Variants in C5orf47 observed in about 807,000 individuals in gnomAD.
The protein encoded by C5orf47 is chromosome 5 open reading frame 47.
C5orf47 carries 20 observed loss-of-function variants against 20.6 expected under a neutral mutation model. That is an observed-to-expected ratio of 0.97 (90% CI 0.68 to 1.41). The LOEUF (loss-of-function observed/expected upper bound fraction) is 1.41, where lower values mean the gene tolerates loss of function less well. Ranked by LOEUF, C5orf47 falls within the 40% of genes most tolerant of loss-of-function variation. The pLI is 0.00. For synonymous variants in C5orf47, 106 were observed against 97.3 expected (o/e 1.09, Z -0.53); for missense variants, 262 against 238.4 (o/e 1.10, Z -0.65).
At chr5:173,990,216 G>A (rs367858560) in intron 1 of C5orf47, among the ~76,000 whole-genome samples, 1 of 143,768 alleles carries the variant, frequency 7.0e-6, no homozygotes, top group Non-Finnish European at 1.5e-5. Flanking sequence ...AGCCTTGACC[G>A]CAGCCTTGAC....
intron 1 of C5orf47, among the ~76,000 whole-genome samples, chr5:173,992,537 C>T (rs1227114544): frequency 6.6e-6 from 1 of 152,000 alleles, no homozygotes; most frequent in Non-Finnish European, 1.5e-5. Context: ...TCTTCTTATA[C>T]TTTTTTGTGA....
intron 1 of C5orf47, among the ~76,000 whole-genome samples, chr5:173,997,390 T>G (rs553967195): frequency 6.6e-5 from 10 of 152,310 alleles, no homozygotes; most frequent in African/African-American, 2.2e-4. Flanking sequence ...TTGGGTTTTC[T>G]TCTAACAGTT....
intron 4 of C5orf47, among the ~76,000 whole-genome samples, chr5:174,001,701 A>G (rs919079838): frequency 2.6e-5 from 4 of 151,874 alleles, no homozygotes; most frequent in Non-Finnish European, 5.9e-5. Flanking sequence ...TACCATATTT[A>G]CCTTTGCTAC....
chr5:173,999,858 T>A, intron 3 of C5orf47, 59 bp downstream of exon 3: 1 of 859,358 alleles, frequency 1.2e-6, no homozygotes, highest in Non-Finnish European at 1.8e-6. Context: ...AGTTTAGTTA[T>A]CCTGGGATTG....
chr5:173,996,566 T>A (rs1193415781), intron 1 of C5orf47, among the ~76,000 whole-genome samples: 1 of 151,972 alleles, frequency 6.6e-6, no homozygotes, highest in Non-Finnish European at 1.5e-5. Context: ...AAGAGCAGAG[T>A]TTCCCAAACT....
At chr5:174,001,053 C>G in intron 3 of C5orf47, 143 bp from the exon 4 acceptor site, 2 of 639,458 alleles carry the variant, frequency 3.1e-6, no homozygotes, top group Non-Finnish European at 5.5e-6. Context: ...CAGTGTTAAA[C>G]TACATTACAG....
At chr5:174,001,292 C>A in intron 4 of C5orf47, 61 bp downstream of exon 4, 1 of 884,872 alleles carries the variant, frequency 1.1e-6, no homozygotes, top group Non-Finnish European at 1.8e-6. Flanking sequence ...CCTTCTGTAT[C>A]CTCCCTTCTC....
downstream of C5orf47, among the ~76,000 whole-genome samples, chr5:174,008,981 A>G (rs1759333451): frequency 6.6e-6 from 1 of 152,204 alleles, no homozygotes; most frequent in Non-Finnish European, 1.5e-5. Context: ...AAAATTGAGT[A>G]CTAGCAGTAG....
chr5:174,001,157 G>A lies in C5orf47; in HGVS notation c.512-39G>A, dbSNP rs575280177. 51 of 1,439,090 alleles carry A rather than the reference G, an allele frequency of 3.5e-5. No homozygotes were observed. The South Asian group carries it at 6.0e-4, about 17-fold the overall frequency. The allele number at this position is 1,439,090 out of a possible 1,614,324, so 89.1% of individuals were successfully genotyped here. ...ATTAATGGGAAAACCAGTGCTAGAG[G>A]CCAACTTAAATTTTCCTTATTTTTT... On this transcript the variant is annotated intron_variant, in intron 3 of 4. Transcript: ENST00000340147.
intron 3 of C5orf47, among the ~76,000 whole-genome samples, chr5:174,000,785 G>C (rs534501078): frequency 1.1e-4 from 16 of 152,150 alleles, no homozygotes; most frequent in Admixed American, 8.5e-4. Context: ...AGAATGAGGT[G>C]GGGGGTGGAT....
chr5:174,000,521 C>G (rs1261891525), intron 3 of C5orf47, among the ~76,000 whole-genome samples: 1 of 152,116 alleles, frequency 6.6e-6, no homozygotes. Context: ...CTTTCCTGCA[C>G]ATGCTATCAT....
intron 1 of C5orf47, among the ~76,000 whole-genome samples, chr5:173,992,291 T>C (rs1015702736): frequency 1.3e-5 from 2 of 151,012 alleles, no homozygotes; most frequent in East Asian, 2.0e-4. Context: ...CTCACACCTC[T>C]AAGTTTACCA....
At chr5:173,994,620 G>A (rs527544048) in intron 1 of C5orf47, among the ~76,000 whole-genome samples, 1 of 152,120 alleles carries the variant, frequency 6.6e-6, no homozygotes, top group African/African-American at 2.4e-5. Flanking sequence ...GAAGAATTGC[G>A]GCCAAGTCTG....
intron 1 of C5orf47, 130 bp downstream of exon 1, chr5:173,989,718 G>A (rs930583258): frequency 2.6e-5 from 22 of 831,234 alleles, no homozygotes; most frequent in Non-Finnish European, 5.0e-6. Context: ...CGTGTTGCGA[G>A]CACGCGCAGG....
chr5:173,998,748 G>A (rs1351333237), intron 2 of C5orf47, among the ~76,000 whole-genome samples: 2 of 152,130 alleles, frequency 1.3e-5, no homozygotes, highest in African/African-American at 2.4e-5. Context: ...ATTCAAGACC[G>A]GATGCTCTGC....
In C5orf47 at chr5:174,005,724, T is replaced by A. The variant is rs1353410737; in HGVS notation, c.*1470T>A. The A allele has an allele frequency of 6.6e-6, 1 of 152,360 alleles. No individual in the cohort carries two copies. The highest frequency in any genetic ancestry group is 1.5e-5 in the Non-Finnish European group (1 of 68,034). 9.4% of individuals were successfully genotyped at this position (152,360 alleles called of 1,614,324 possible). ...ATGCTGCATAAAGTTTTGTAGTGAATGTGTATGAGAGTTTTAGGTTTGCTT... is the reference window on the plus strand; with the variant it reads ...ATGCTGCATAAAGTTTTGTAGTGAAAGTGTATGAGAGTTTTAGGTTTGCTT... On this transcript the variant is annotated 3_prime_UTR_variant, in exon 5 of 5. Coordinates refer to ENST00000340147, the MANE Select transcript of C5orf47 (RefSeq NM_001144954.2).
At chr5:174,008,822 C>CAAAAAAA (rs57488841), downstream of C5orf47, among the ~76,000 whole-genome samples, 2 of 75,452 alleles carry the variant, frequency 2.7e-5, no homozygotes, top group Non-Finnish European at 6.1e-5. Context: ...GACTCCATCT[C>CAAAAAAA]AAAAAAAAAA....
chr5:174,008,340 G>T (rs757089250), downstream of C5orf47, among the ~76,000 whole-genome samples: 3 of 152,340 alleles, frequency 2.0e-5, no homozygotes, highest in South Asian at 4.1e-4. Flanking sequence ...GCAGGAAAGG[G>T]CTCTGCAGTA....
intron 1 of C5orf47, among the ~76,000 whole-genome samples, chr5:173,994,904 C>T (rs1271023235): frequency 6.6e-6 from 1 of 150,746 alleles, no homozygotes; most frequent in Non-Finnish European, 1.5e-5. Flanking sequence ...ACCTCTGCCT[C>T]CCAGGTTCAA....
Sources: gnomAD v4.1 joint callset for allele counts (sites outside exome capture counted in the v4.1 genomes callset) on GRCh38, gnomAD v4.1.1 for gene constraint, MANE v1.5 for transcripts, NCBI Gene and HGNC (gene_info 2026-07-23, HGNC 2026-07-21) for gene names.